The following CASD1 variants were observed in gnomAD, a reference collection of about 807,000 sequenced individuals.
The protein encoded by CASD1 is CAS1 domain sialic acid O acetyltransferase 1.
A neutral mutation model predicts 100.0 loss-of-function variants in CASD1; 41 were observed. That is an observed-to-expected ratio of 0.41 (90% confidence interval 0.32 to 0.53). The LOEUF (loss-of-function observed/expected upper bound fraction) is 0.53. CASD1 is among the 20% of genes least tolerant of loss of function. The pLI, the probability that CASD1 is intolerant of heterozygous loss-of-function variation, is 0.25. For missense variants in CASD1, 774 were observed against 948.7 expected (o/e 0.82, Z 2.42); for synonymous variants, 321 against 315.6 (o/e 1.02, Z -0.18).
rs929825975 is a variant in CASD1, at chr7:94,510,094, C to G, written c.10C>G (p.Leu4Val). The G allele has an allele frequency of 2.0e-6, 3 of 1,523,534 alleles. No individual in the cohort carries two copies. Among genetic ancestry groups the G allele is most frequent in the Admixed American group, 4.1e-5 (2 of 48,226 alleles). 94.4% of individuals were successfully genotyped at this position (1,523,534 alleles called of 1,614,324 possible). Residue 4 changes from leucine (L) to valine (V), a missense_variant, in exon 1 of 18, where the codon CTG becomes GTG. By Grantham distance (32) the Leu-to-Val change is conservative. Coordinates refer to ENST00000297273, the MANE Select transcript of CASD1 (RefSeq NM_022900.5). Reference sequence around the variant, plus strand: ...TCATGGAGGAACCAAGATGGCGGCTCTGGCCTACAACCTGGGCAAGCGGGA... The same window carrying G: ...TCATGGAGGAACCAAGATGGCGGCTGTGGCCTACAACCTGGGCAAGCGGGA... MAA[L>V]AYNLGKREIN...
At chr7:94,557,500 A>G (rs559473536), downstream of CASD1, among the ~76,000 whole-genome samples, 3 of 152,100 alleles carry the variant, frequency 2.0e-5, no homozygotes, top group Admixed American at 6.6e-5. Context: ...TAGCTTGCCA[A>G]TGAGTAGAGT....
At chr7:94,602,830 CTT>C in the CASD1 span, among the ~76,000 whole-genome samples, 9 of 152,140 alleles carry the variant, frequency 5.9e-5, no homozygotes, top group Admixed American at 2.6e-4. Context: ...GGAATTGTCT[CTT>C]GTTTCTTGGA....
intron 5 of CASD1, among the ~76,000 whole-genome samples, chr7:94,531,346 T>G (rs1794841188): frequency 6.6e-6 from 1 of 152,096 alleles, no homozygotes; most frequent in Non-Finnish European, 1.5e-5. Context: ...TACTCTCTTG[T>G]CAGAGGAAGA....
At chr7:94,630,447 T>A in the CASD1 span, among the ~76,000 whole-genome samples, 5 of 151,906 alleles carry the variant, frequency 3.3e-5, no homozygotes, top group Non-Finnish European at 5.9e-5. Context: ...TTTTCTCTGA[T>A]CTTGATATTT....
intron 3 of CASD1, among the ~76,000 whole-genome samples, chr7:94,518,628 C>T (rs1042311939): frequency 6.6e-6 from 1 of 151,824 alleles, no homozygotes; most frequent in South Asian, 2.1e-4. Flanking sequence ...AAAATATCAC[C>T]CCTTATTCTC....
chr7:94,517,903 T>G (rs758281280), intron 2 of CASD1, among the ~76,000 whole-genome samples: 1 of 152,248 alleles, frequency 6.6e-6, no homozygotes, highest in Non-Finnish European at 1.5e-5. Flanking sequence ...AAAAGACTCT[T>G]GCTCTGGCAC....
the CASD1 span, among the ~76,000 whole-genome samples, chr7:94,630,369 T>C: frequency 1.3e-5 from 2 of 152,002 alleles, no homozygotes; most frequent in East Asian, 3.9e-4. Flanking sequence ...CGTATACTTA[T>C]AAAAATGCAT....
At chr7:94,552,301 C>T in intron 15 of CASD1, 49 bp from the exon 16 acceptor site, 2 of 1,293,004 alleles carry the variant, frequency 1.5e-6, no homozygotes, top group South Asian at 1.2e-5. Context: ...AGGCTTATGC[C>T]TCTTCCAGAC....
the CASD1 span, among the ~76,000 whole-genome samples, chr7:94,615,361 AATAAATAGATAGATAG>A: frequency 6.8e-5 from 9 of 132,282 alleles, no homozygotes; most frequent in East Asian, 2.2e-4. Context: ...TCTGTCTCAA[AATAAATAGATAGATAG>A]ATAGATAGAT....
chr7:94,623,243 C>A, the CASD1 span: 1 of 846,324 alleles, frequency 1.2e-6, no homozygotes, highest in Non-Finnish European at 1.9e-6. Context: ...TTTTAAAATT[C>A]TTGACTATAT....
At chr7:94,585,847 A>G in the CASD1 span, among the ~76,000 whole-genome samples, 1 of 152,044 alleles carries the variant, frequency 6.6e-6, no homozygotes, top group Non-Finnish European at 1.5e-5. Flanking sequence ...GGCTTTTAAA[A>G]AAATATCATG....
the CASD1 span, chr7:94,629,910 T>C: frequency 6.3e-7 from 1 of 1,580,134 alleles, no homozygotes; most frequent in Non-Finnish European, 8.7e-7. Flanking sequence ...TAATTCAGCT[T>C]ACGCTGTTTA....
chr7:94,590,440 A>G, the CASD1 span: 1 of 152,132 alleles, frequency 6.6e-6, no homozygotes, highest in African/African-American at 2.4e-5. Flanking sequence ...AAGAACCATC[A>G]TATTTTGTTT....
the CASD1 span, chr7:94,597,962 GCT>G: frequency 1.2e-5 from 2 of 163,414 alleles, no homozygotes; most frequent in Non-Finnish European, 2.6e-5. Flanking sequence ...AGCCAAGATC[GCT>G]CCATTGCACT....
At chr7:94,600,822 T>A in the CASD1 span, 1 of 1,612,560 alleles carries the variant, frequency 6.2e-7, no homozygotes, top group Non-Finnish European at 8.5e-7. Flanking sequence ...CACGAATCAC[T>A]TCCTGATAGG....
Position 94,544,476 on chromosome 7 carries a change from G to A in CASD1, c.1422G>A (p.Gly474=). The change falls in exon 11 of 18, where the codon GGG becomes GGA. Residue 474 remains glycine (G), a synonymous_variant. Transcript: ENST00000297273. ...CATATTTATTTCAGACAGGGTATGG[G>A]CATTTCTCATACTTTTGGATAAAAG... ...VAAYLFQTGY[G]HFSYFWIKGD... 3 of 1,613,168 alleles carry A rather than the reference G, an allele frequency of 1.9e-6. No homozygotes were observed. Among genetic ancestry groups the A allele is most frequent in the Non-Finnish European group, 2.5e-6 (3 of 1,179,424 alleles).
the CASD1 span, among the ~76,000 whole-genome samples, chr7:94,578,826 T>C: frequency 2.9e-4 from 44 of 152,314 alleles, 1 homozygote; most frequent in East Asian, 8.5e-3. Context: ...TGCCTTTGGG[T>C]CTGTGCCCAT....
the CASD1 span, among the ~76,000 whole-genome samples, chr7:94,563,964 A>G: frequency 6.6e-6 from 1 of 152,186 alleles, no homozygotes; most frequent in South Asian, 2.1e-4. Flanking sequence ...CGCATGTCTC[A>G]CCAAGACCTC....
At chr7:94,585,419 T>C in the CASD1 span, 1 of 1,264,740 alleles carries the variant, frequency 7.9e-7, no homozygotes, top group Non-Finnish European at 1.2e-6. Context: ...AGCTCATGCA[T>C]TATTGGAAGA....
Sources: gnomAD v4.1 joint callset for allele counts (sites outside exome capture counted in the v4.1 genomes callset) on GRCh38, gnomAD v4.1.1 for gene constraint, MANE v1.5 for transcripts, NCBI Gene and HGNC (gene_info 2026-07-23, HGNC 2026-07-21) for gene names.